The following CAPN5 variants were observed in gnomAD, a reference collection of about 807,000 sequenced individuals.
CAPN5 encodes calpain 5, also known as calpain-5.
In CAPN5, 54 loss-of-function variants were observed where a neutral mutation model predicts 73.0. That is an observed-to-expected ratio of 0.74 (90% CI 0.59 to 0.93). The LOEUF is 0.93. Ranked by LOEUF, CAPN5 falls within the 40% of genes least tolerant of loss-of-function variation. The pLI, the probability that CAPN5 is intolerant of heterozygous loss-of-function variation, is 0.00. For missense variants in CAPN5, 785 were observed against 882.9 expected (o/e 0.89, Z 1.41); for synonymous variants, 335 against 356.9 (o/e 0.94, Z 0.69).
At chr11:77,117,846 G>A (rs1161857562) in intron 7 of CAPN5, among the ~76,000 whole-genome samples, 1 of 152,240 alleles carries the variant, frequency 6.6e-6, no homozygotes, top group Non-Finnish European at 1.5e-5. Flanking sequence ...GCGTTTGCCA[G>A]TGCGTGCTCT....
At chr11:77,122,525 G>T in intron 11 of CAPN5, 51 bp from the exon 12 acceptor site, 1 of 1,435,658 alleles carries the variant, frequency 7.0e-7, no homozygotes. Flanking sequence ...CTGTGGCCCT[G>T]CCACAGCCCC....
chr11:77,084,006 G>A (rs1950055522), intron 1 of CAPN5, among the ~76,000 whole-genome samples: 1 of 152,218 alleles, frequency 6.6e-6, no homozygotes, highest in Admixed American at 6.5e-5. Flanking sequence ...GAGCTGCACC[G>A]CAGCCCAGAT....
At chr11:77,068,440 G>A (rs1555032519) in intron 1 of CAPN5, among the ~76,000 whole-genome samples, 2 of 152,164 alleles carry the variant, frequency 1.3e-5, no homozygotes, top group African/African-American at 4.8e-5. Context: ...CTGGGGATGA[G>A]TTCACTTGCA....
rs782596549 is a variant in CAPN5, at chr11:77,120,812, C to CG, written c.1390_1391insG (p.Pro464ArgfsTer27). 1 of 1,614,206 alleles carries CG rather than the reference C, an allele frequency of 6.2e-7. No individual in the cohort carries two copies. Among genetic ancestry groups the CG allele is most frequent in the Admixed American group, 1.7e-5 (1 of 60,028 alleles). ...CAGCGTCTTCCTGCGCACCGACCAGCCCGAGGGCCGCTATGTCATCATCCC... is the reference window on the plus strand; with the variant it reads ...CAGCGTCTTCCTGCGCACCGACCAGCGCCGAGGGCCGCTATGTCATCATCCC... On this transcript the variant is annotated frameshift_variant, in exon 10 of 13. Transcript: ENST00000648180. LOFTEE classifies it high-confidence loss of function.
chr11:77,089,273 TCCTGAA>T (rs2135429982), intron 2 of CAPN5, among the ~76,000 whole-genome samples: 1 of 152,314 alleles, frequency 6.6e-6, no homozygotes, highest in South Asian at 2.1e-4. Flanking sequence ...CCCATTTCCC[TCCTGAA>T]CCTCCCTGCT....
intron 1 of CAPN5, among the ~76,000 whole-genome samples, chr11:77,075,185 A>G (rs1949956064): frequency 6.6e-6 from 1 of 151,888 alleles, no homozygotes; most frequent in African/African-American, 2.4e-5. Flanking sequence ...CTCATCCATG[A>G]TCCCTGCCCC....
chr11:77,073,979 C>A (rs1250283442), intron 1 of CAPN5, among the ~76,000 whole-genome samples: 1 of 152,192 alleles, frequency 6.6e-6, no homozygotes, highest in African/African-American at 2.4e-5. Context: ...TTCCTCAGCA[C>A]ACAGTGCGTC....
At chr11:77,112,039 A>T (rs963900056) in intron 3 of CAPN5, among the ~76,000 whole-genome samples, 1 of 152,090 alleles carries the variant, frequency 6.6e-6, no homozygotes, top group Non-Finnish European at 1.5e-5. Flanking sequence ...GGGTTGGTCT[A>T]TGTGGGGCGA....
chr11:77,075,905 C>A (rs1015379848), intron 1 of CAPN5, among the ~76,000 whole-genome samples: 2 of 151,980 alleles, frequency 1.3e-5, no homozygotes, highest in African/African-American at 4.8e-5. Flanking sequence ...GTTATGCAGG[C>A]TTTGCTTGTC....
chr11:77,118,049 G>C (rs1227772723), intron 7 of CAPN5, 108 bp from the exon 8 acceptor site: 1 of 998,526 alleles, frequency 1.0e-6, no homozygotes, highest in Non-Finnish European at 1.5e-6. Context: ...AGCCAGCTGT[G>C]TTCTCTCACC....
At chr11:77,084,713 A>G in intron 1 of CAPN5, 139 bp from the exon 2 acceptor site, 1 of 697,028 alleles carries the variant, frequency 1.4e-6, no homozygotes, top group Non-Finnish European at 2.5e-6. Flanking sequence ...GCTGTATACC[A>G]GCTGTGTGAC....
At chr11:77,095,339 C>A (rs782796684) in intron 3 of CAPN5, among the ~76,000 whole-genome samples, 4 of 152,292 alleles carry the variant, frequency 2.6e-5, no homozygotes, top group Admixed American at 6.5e-5. Flanking sequence ...GCCCACCCCC[C>A]CACTAGATGA....
intron 3 of CAPN5, chr11:77,103,361 G>GCCCACCTGTGCTCTCCCCTGC (rs1950309602): frequency 6.3e-7 from 1 of 1,586,090 alleles, no homozygotes; most frequent in Non-Finnish European, 8.6e-7. Context: ...CTCTCCTCTA[G>GCCCACCTGTGCTCTCCCCTGC]CCCACCTGTG....
intron 3 of CAPN5, chr11:77,102,953 G>T: frequency 6.2e-7 from 1 of 1,613,236 alleles, no homozygotes; most frequent in East Asian, 2.2e-5. Context: ...GCGGGGAGAA[G>T]CGCCAGGATG....
rs1555032134 is a variant in CAPN5 at position 77,067,066 on chromosome 11, G to T, written c.-64G>T. 1 of 152,254 alleles carries T rather than the reference G, an allele frequency of 6.6e-6. No homozygotes were observed. The highest frequency in any genetic ancestry group is 2.4e-5 in the African/African-American group (1 of 41,454). The allele number at this position is 152,254 out of a possible 1,614,324, so 9.4% of individuals were successfully genotyped here. The stretch of plus-strand genomic sequence containing the variant: ...CCGCGCCGTGCCCTGCATCCCGGGA[G>T]CCCGGCTGGACCCGCGGCGGCTCGG... On this transcript the variant is annotated 5_prime_UTR_variant, in exon 1 of 13. Coordinates refer to ENST00000648180, the MANE Select transcript of CAPN5 (RefSeq NM_004055.5).
intron 3 of CAPN5, among the ~76,000 whole-genome samples, chr11:77,100,176 G>C (rs782350196): frequency 6.6e-6 from 1 of 152,140 alleles, no homozygotes; most frequent in Non-Finnish European, 1.5e-5. Context: ...AATTACATCT[G>C]CAAGTTTAGA....
At chr11:77,088,822 G>C (rs1208578315) in intron 2 of CAPN5, among the ~76,000 whole-genome samples, 1 of 152,160 alleles carries the variant, frequency 6.6e-6, no homozygotes, top group Non-Finnish European at 1.5e-5. Flanking sequence ...GTTGTGCCAC[G>C]AAGGGAGAAG....
chr11:77,112,867 T>G (rs1591142690), intron 4 of CAPN5, 70 bp downstream of exon 4: 9 of 1,428,222 alleles, frequency 6.3e-6, no homozygotes, highest in Non-Finnish European at 2.0e-6. Context: ...CTCCTCGTGG[T>G]ATTCCGTTAG....
intron 3 of CAPN5, among the ~76,000 whole-genome samples, chr11:77,109,900 G>C (rs150736053): frequency 0.011 from 1,622 of 152,290 alleles, 25 homozygotes; most frequent in African/African-American, 0.037. Flanking sequence ...GGTCCTAGCA[G>C]CCTGTGAGGG....
Sources: gnomAD v4.1 joint callset for allele counts (sites outside exome capture counted in the v4.1 genomes callset) on GRCh38, gnomAD v4.1.1 for gene constraint, MANE v1.5 for transcripts, NCBI Gene and HGNC (gene_info 2026-07-23, HGNC 2026-07-21) for gene names.